The following COP1 variants were observed in gnomAD, a reference collection of about 807,000 sequenced individuals.
COP1 encodes E3 ubiquitin-protein ligase COP1.
In COP1, 24 loss-of-function variants were observed where a neutral mutation model predicts 101.3. That is an observed-to-expected ratio of 0.24 (90% CI 0.17 to 0.33). The LOEUF is 0.33. COP1 is among the 10% of genes least tolerant of loss of function. COP1 has a pLI of 1.00. For missense variants in COP1, 663 were observed against 906.2 expected, an observed-to-expected ratio of 0.73 and a Z score of 3.45; for synonymous variants, 347 against 341.9, an observed-to-expected ratio of 1.01 and a Z score of -0.17.
At chr1:176,058,845 C>T (rs1674336073) in intron 11 of COP1, among the ~76,000 whole-genome samples, 1 of 77,532 alleles carries the variant, frequency 1.3e-5, no homozygotes, top group Non-Finnish European at 3.6e-5. Flanking sequence ...GGTAACACGC[C>T]TCCTCAGATC....
At chr1:175,981,098 A>G (rs1655734806) in intron 18 of COP1, among the ~76,000 whole-genome samples, 1 of 152,158 alleles carries the variant, frequency 6.6e-6, no homozygotes, top group Admixed American at 6.5e-5. Context: ...TAAAAAAGAT[A>G]AGACTTTCAT....
intron 18 of COP1, among the ~76,000 whole-genome samples, chr1:175,981,202 A>G (rs2148681905): frequency 1.3e-5 from 2 of 152,264 alleles, no homozygotes; most frequent in South Asian, 4.1e-4. Flanking sequence ...TATTTATTTT[A>G]AAATGTCTTT....
intron 8 of COP1, among the ~76,000 whole-genome samples, chr1:176,132,488 C>T (rs950419173): frequency 1.9e-4 from 28 of 150,698 alleles, no homozygotes; most frequent in Non-Finnish European, 8.9e-5. Flanking sequence ...CTTACACAAA[C>T]CAAGATGGGG....
At chr1:176,107,064 G>T (rs926756251) in intron 9 of COP1, among the ~76,000 whole-genome samples, 1 of 152,116 alleles carries the variant, frequency 6.6e-6, no homozygotes, top group Non-Finnish European at 1.5e-5. Flanking sequence ...CTGCTGCTGG[G>T]CTGTTCTGTA....
chr1:175,973,716 AAGTCTAGATCAAT>A, intron 18 of COP1, among the ~76,000 whole-genome samples: 1 of 152,364 alleles, frequency 6.6e-6, no homozygotes, highest in East Asian at 1.9e-4. Flanking sequence ...GGAAAAAAGT[AAGTCTAGATCAAT>A]CTAATGGTAT....
chr1:176,110,641 T>TAAAACAA (rs749299844), intron 9 of COP1, among the ~76,000 whole-genome samples: 3 of 151,898 alleles, frequency 2.0e-5, no homozygotes, highest in Non-Finnish European at 2.9e-5. Flanking sequence ...GAGGTATGTT[T>TAAAACAA]AAAACAAAAA....
chr1:176,067,096 A>G (rs1676124529), intron 11 of COP1, among the ~76,000 whole-genome samples: 1 of 152,224 alleles, frequency 6.6e-6, no homozygotes, highest in African/African-American at 2.4e-5. Flanking sequence ...TGATATTATA[A>G]TGGTAGATAT....
chr1:176,026,790 T>G (rs1437763480), intron 15 of COP1, among the ~76,000 whole-genome samples: 1 of 152,028 alleles, frequency 6.6e-6, no homozygotes, highest in Non-Finnish European at 1.5e-5. Flanking sequence ...ACCCTGATAT[T>G]ATTAATAAAA....
intron 14 of COP1, among the ~76,000 whole-genome samples, chr1:176,034,228 C>A (rs1669103036): frequency 6.6e-6 from 1 of 152,138 alleles, no homozygotes; most frequent in Admixed American, 6.5e-5. Context: ...CTAAAGTCAG[C>A]ACCTCAAGCA....
chr1:176,097,087 T>G (rs1203944114), intron 9 of COP1, among the ~76,000 whole-genome samples: 1 of 152,216 alleles, frequency 6.6e-6, no homozygotes, highest in Non-Finnish European at 1.5e-5. Flanking sequence ...TATTGGCCAC[T>G]TGGGATGGCT....
intron 8 of COP1, chr1:176,133,847 A>T (rs1239162556): frequency 4.4e-6 from 2 of 455,048 alleles, no homozygotes; most frequent in South Asian, 3.1e-5. Flanking sequence ...ATGTACTTAC[A>T]TAATAAGTAT....
rs148390774 is a variant in COP1 at position 176,054,123 on chromosome 1, A to C, written c.1278-7799T>G. On this transcript the variant is annotated intron_variant, in intron 11 of 19. Transcript: ENST00000367669. ...AAATAATTTCTCTTACTCTTCACAA[A>C]TTTCCCATACCTTCATAATCACTCT... Among the ~76,000 whole-genome samples the C allele has an allele frequency of 1.4e-3, 212 of 151,110 alleles. 1 individual carries two copies. The Middle Eastern group carries it at 0.027, about 20-fold the overall frequency.
intron 11 of COP1, among the ~76,000 whole-genome samples, chr1:176,068,486 GA>G (rs1423828468): frequency 6.6e-6 from 1 of 152,228 alleles, no homozygotes; most frequent in Non-Finnish European, 1.5e-5. Flanking sequence ...TAGTAAGTCT[GA>G]AAGGGTAAGA....
intron 11 of COP1, among the ~76,000 whole-genome samples, chr1:176,065,235 T>G (rs1675703538): frequency 1.3e-5 from 2 of 152,244 alleles, no homozygotes; most frequent in South Asian, 4.1e-4. Context: ...GTTATGGAAC[T>G]CTTTACTGTG....
At chr1:176,075,449 C>T (rs1007200753) in intron 11 of COP1, among the ~76,000 whole-genome samples, 1 of 152,102 alleles carries the variant, frequency 6.6e-6, no homozygotes, top group African/African-American at 2.4e-5. Flanking sequence ...CCCGATATGC[C>T]TCAAAAAACA....
intron 12 of COP1, among the ~76,000 whole-genome samples, chr1:176,044,385 A>C (rs936263019): frequency 6.6e-6 from 1 of 152,244 alleles, no homozygotes; most frequent in Non-Finnish European, 1.5e-5. Context: ...CCAGAAGTCT[A>C]CAACATCTAA....
At chr1:176,200,042 C>CT (rs1322534117) in intron 1 of COP1, among the ~76,000 whole-genome samples, 1 of 152,140 alleles carries the variant, frequency 6.6e-6, no homozygotes, top group Non-Finnish European at 1.5e-5. Flanking sequence ...GCCAAATTGT[C>CT]TGAATATAAA....
chr1:176,024,905 C>T (rs557296407), intron 15 of COP1, among the ~76,000 whole-genome samples: 3 of 152,016 alleles, frequency 2.0e-5, no homozygotes, highest in Admixed American at 2.0e-4. Context: ...CTGAAAATTA[C>T]AAAACTATTG....
At chr1:176,015,844 G>A (rs1316806776) in intron 15 of COP1, among the ~76,000 whole-genome samples, 1 of 152,168 alleles carries the variant, frequency 6.6e-6, no homozygotes, top group Non-Finnish European at 1.5e-5. Flanking sequence ...GAATTATGGT[G>A]GCAGAAGCCT....
Sources: allele counts gnomAD v4.1 joint callset (sites outside exome capture counted in the v4.1 genomes callset), GRCh38; gene constraint gnomAD v4.1.1; transcripts MANE v1.5; gene names NCBI Gene and HGNC (gene_info 2026-07-23, HGNC 2026-07-21).